Variants in CCDC17 observed in about 807,000 individuals in gnomAD.
The protein encoded by CCDC17 is coiled-coil domain containing 17.
In CCDC17, 79 loss-of-function variants were observed where a neutral mutation model predicts 68.0. The observed-to-expected ratio is 1.16, with a 90% CI of 0.97 to 1.40. CCDC17 has a LOEUF of 1.40. CCDC17 is among the 40% of genes most tolerant of loss of function. CCDC17 has a pLI of 0.00. For synonymous variants in CCDC17, 376 were observed against 337.5 expected, an observed-to-expected ratio of 1.11 and a Z score of -1.25; for missense variants, 846 against 811.5, an observed-to-expected ratio of 1.04 and a Z score of -0.52.
rs1427535855 is a variant in CCDC17 at position 45,622,829 on chromosome 1, G to A, written c.662C>T (p.Pro221Leu). The A allele has an allele frequency of 1.3e-6, 2 of 1,596,600 alleles. No homozygotes were observed. The highest frequency in any genetic ancestry group is 1.3e-5 in the African/African-American group (1 of 74,716). ...IQELQAEPGN[P>L]LSSRREAELY... ...TTCTGCCTCTCGCCGGGAGCTCAGC[G>A]GGTTCCTGGGGTGGCAGGCGACGCG... Residue 221 changes from proline (P) to leucine (L), a missense_variant, in exon 5 of 13, where the codon CCG becomes CTG. Coordinates refer to ENST00000528266, the MANE Select transcript of CCDC17 (RefSeq NM_001114938.3).
intron 7 of CCDC17, 87 bp downstream of exon 7, chr1:45,622,154 G>T: frequency 7.4e-7 from 1 of 1,354,386 alleles, no homozygotes; most frequent in Non-Finnish European, 1.0e-6. Context: ...CACAAACACG[G>T]GTCTTGTTCC....
Position 45,620,402 on chromosome 1 carries a change from A to G in CCDC17, c.1742T>C (p.Phe581Ser). The stretch of plus-strand genomic sequence containing the variant: ...AGCAAAGCCAACTGCGGGGGTGAGG[A>G]AGCTGGCTTCCAGTGAAGATGTGCT... ...VSSTSSLEAS[F>S]LTPAVGFADP... Residue 581 changes from phenylalanine to serine, a missense_variant, in exon 13 of 13, where the codon TTC becomes TCC. By Grantham distance (155) the Phe-to-Ser change is radical. Coordinates refer to ENST00000528266, the MANE Select transcript of CCDC17 (RefSeq NM_001114938.3). 1 of 1,594,334 alleles carries G rather than the reference A, an allele frequency of 6.3e-7. No individual in the cohort carries two copies. The highest frequency in any genetic ancestry group is 1.7e-4 in the Middle Eastern group (1 of 6,016).
At position 45,622,745 on chromosome 1, in the gene CCDC17, T is replaced by C; in HGVS notation, c.740+6A>G. Reference sequence around the variant, plus strand: ...CCCTATGCCCATCTCCGGCCCCGGCTCTCACCGGATTTCGGCAGCCAGAGT... The same window carrying C: ...CCCTATGCCCATCTCCGGCCCCGGCCCTCACCGGATTTCGGCAGCCAGAGT... On this transcript the variant is annotated splice_donor_region_variant and intron_variant, in intron 5 of 12. Coordinates refer to ENST00000528266, the MANE Select transcript of CCDC17 (RefSeq NM_001114938.3). 1 of 1,585,978 alleles carries C rather than the reference T, an allele frequency of 6.3e-7. No individual in the cohort carries two copies. Among genetic ancestry groups the C allele is most frequent in the East Asian group, 2.3e-5 (1 of 43,594 alleles).
chr1:45,620,640 G>A lies in CCDC17; in HGVS notation c.1710+83C>T, dbSNP rs1644217160. The A allele has an allele frequency of 1.9e-6, 3 of 1,542,838 alleles. No individual in the cohort carries two copies. In the African/African-American group the frequency reaches 4.1e-5, roughly 21 times the overall value. On this transcript the variant is annotated intron_variant, in intron 12 of 12. Coordinates refer to ENST00000528266, the MANE Select transcript of CCDC17 (RefSeq NM_001114938.3). ...GCATTGGTAATGACTGGCACACAGT[G>A]GTCAATAAAGGCTGGCCGTTAGCCA...
rs373781070 is a variant in CCDC17, at chr1:45,621,618, G to A, written c.1184+20C>T. Reference sequence around the variant, plus strand: ...TGCTGGCCAAGTCACAGAGGCTGTCGAAGGTGGCACGGGCCTCACCCAGGA... The same window carrying A: ...TGCTGGCCAAGTCACAGAGGCTGTCAAAGGTGGCACGGGCCTCACCCAGGA... On this transcript the variant is annotated intron_variant, in intron 9 of 12. Coordinates refer to ENST00000528266, the MANE Select transcript of CCDC17 (RefSeq NM_001114938.3). 94 of 1,611,222 alleles carry A rather than the reference G, an allele frequency of 5.8e-5. No homozygotes were observed. The highest frequency in any genetic ancestry group is 1.0e-4 in the Admixed American group (6 of 59,720).
intron 8 of CCDC17, 50 bp from the exon 9 acceptor site, chr1:45,621,785 T>G (rs1644267817): frequency 1.9e-6 from 3 of 1,606,180 alleles, no homozygotes; most frequent in Admixed American, 1.7e-5. Flanking sequence ...GCTGCTCATG[T>G]TCCCCCAACT....
chr1:45,620,072 C>G lies in CCDC17; in HGVS notation c.*203G>C, dbSNP rs1644192766. 1 of 518,258 alleles carries G rather than the reference C, an allele frequency of 1.9e-6. No individual in the cohort carries two copies. Among genetic ancestry groups the G allele is most frequent in the Admixed American group, 4.0e-5 (1 of 24,750 alleles). 32.1% of individuals were successfully genotyped at this position (518,258 alleles called of 1,614,324 possible). A position where few individuals can be genotyped will look rare whatever the true frequency, so the allele number is the denominator to read the frequency against. On this transcript the variant is annotated 3_prime_UTR_variant, in exon 13 of 13. Transcript: ENST00000528266. ...CTGACAAACTCATTTAATCCTTAAT[C>G]TGTTTTACAAAAACAGAAGAGGTAC...
At position 45,622,541 on chromosome 1, in the gene CCDC17, C is replaced by CT; in HGVS notation, c.859+7dup. ...TGACCACCGCTGGCGAGAGGCCCTC[C>CT]TGTTCACCTCTGCGGGTCTGCGACC... On this transcript the variant is annotated splice_region_variant and intron_variant, in intron 6 of 12. Coordinates refer to ENST00000528266, the MANE Select transcript of CCDC17 (RefSeq NM_001114938.3). The CT allele has an allele frequency of 6.4e-7, 1 of 1,551,208 alleles. No individual in the cohort carries two copies.
rs1644196530 is a variant in CCDC17 at position 45,620,196 on chromosome 1, G to A, written c.*79C>T. 2 of 1,457,240 alleles carry A rather than the reference G, an allele frequency of 1.4e-6. No homozygotes were observed. The highest frequency in any genetic ancestry group is 2.9e-5 in the African/African-American group (2 of 69,344). The allele number at this position is 1,457,240 out of a possible 1,614,324, so 90.3% of individuals were successfully genotyped here. The stretch of plus-strand genomic sequence containing the variant: ...GCTTCTAGACCCAATGTCAGAACAT[G>A]GAGTAGTAAACCTGTAGGTCTGGAA... On this transcript the variant is annotated 3_prime_UTR_variant, in exon 13 of 13. Transcript: ENST00000528266.
At position 45,623,569 on chromosome 1, in the gene CCDC17, C is replaced by T. The variant is rs531241471; in HGVS notation, c.258G>A (p.Arg86=). Residue 86 remains arginine (R), a synonymous_variant, in exon 2 of 13, where the codon AGG becomes AGA. Transcript: ENST00000528266. ...DQQASRSALK[R]LTEEVQWLRL... is the part of the protein sequence containing the mutation. ...TAGGTAGCTCTACCTCCTCTGTTAA[C>T]CTCTTTAGAGCAGATCTACTGGCCT... 20 of 1,549,664 alleles carry T rather than the reference C, an allele frequency of 1.3e-5. No homozygotes were observed. In the African/African-American group the frequency reaches 2.7e-4, roughly 21 times the overall value.
At position 45,623,272 on chromosome 1, in the gene CCDC17, C is replaced by G. The variant is rs531707286; in HGVS notation, c.438G>C (p.Ala146=). The G allele has an allele frequency of 3.2e-6, 5 of 1,546,906 alleles. No individual in the cohort carries two copies. In the African/African-American group the frequency reaches 4.1e-5, roughly 13 times the overall value. ...ERLRALFRTR[A]RRVAEMEAQS... is the part of the protein sequence containing the mutation. ...GCGCTTCCATCTCCGCCACGCGCCT[C>G]GCGCGAGTCCTGAACAGCGCCCGCA... Residue 146 remains alanine, a synonymous_variant, in exon 3 of 13, where the codon GCG becomes GCC. Transcript: ENST00000528266.
chr1:45,620,578 GT>G (rs1171621391), intron 12 of CCDC17, 144 bp downstream of exon 12: 26 of 1,488,868 alleles, frequency 1.7e-5, no homozygotes, highest in Non-Finnish European at 2.3e-5. Flanking sequence ...CTGTTACATA[GT>G]AGGACTTCAT....
chr1:45,620,686 G>A (rs762903062), intron 12 of CCDC17, 37 bp downstream of exon 12: 4 of 1,564,218 alleles, frequency 2.6e-6, no homozygotes, highest in East Asian at 2.4e-5. Flanking sequence ...ACCGGTATGT[G>A]TAGCTGTGGT....
At chr1:45,622,496 T>G in intron 6 of CCDC17, 53 bp downstream of exon 6, 1 of 1,522,652 alleles carries the variant, frequency 6.6e-7, no homozygotes, top group Middle Eastern at 1.7e-4. Flanking sequence ...CTCCCTCGAG[T>G]TCTTTTCTCC....
intron 10 of CCDC17, 41 bp from the exon 11 acceptor site, chr1:45,621,154 C>T: frequency 6.3e-7 from 1 of 1,596,682 alleles, no homozygotes. Context: ...GCCAGAGCTA[C>T]AGTCCCTTTC....
At chr1:45,621,607 C>G in intron 9 of CCDC17, 31 bp downstream of exon 9, 1 of 1,609,364 alleles carries the variant, frequency 6.2e-7, no homozygotes, top group Non-Finnish European at 8.5e-7. Flanking sequence ...GGCCAAGTCA[C>G]AGAGGCTGTC....
rs376307682 is a variant in CCDC17 at position 45,622,562 on chromosome 1, C to A, written c.846G>T (p.Ser282=). 1.3e-6 allele frequency: 2 copies of A among 1,551,760 alleles called. No individual in the cohort carries two copies. Residue 282 remains serine (S), a synonymous_variant, in exon 6 of 13, where the codon TCG becomes TCT. Transcript: ENST00000528266. ...CCTCCTGTTCACCTCTGCGGGTCTG[C>A]GACCGCTGCAGCTCCAGTGCAGACG... The part of the protein sequence containing the change: ...VEASALELQR[S]QTRRGRAGAT...
chr1:45,622,451 C>CTT (rs1644300844), intron 6 of CCDC17, 98 bp downstream of exon 6: 3 of 1,466,932 alleles, frequency 2.0e-6, no homozygotes, highest in South Asian at 2.6e-5. Flanking sequence ...TAAGGCTGGA[C>CTT]TTGTCAGCTC....
Position 45,620,817 on chromosome 1 carries a change from A to G in CCDC17, c.1616T>C (p.Leu539Pro). ...NGIPQAGQAE[L>P]FLRLVNARDA... ...TCTTGCATTCACCAGCCGCAGAAAGAGCTCAGCCTGACCTGCCTGGGGAGA... is the reference window on the plus strand; with the variant it reads ...TCTTGCATTCACCAGCCGCAGAAAGGGCTCAGCCTGACCTGCCTGGGGAGA... The change falls in exon 12 of 13, where the codon CTC (leucine) becomes CCC (proline). Residue 539 changes from leucine (L) to proline (P), a missense_variant. Coordinates refer to ENST00000528266, the MANE Select transcript of CCDC17 (RefSeq NM_001114938.3). 1.2e-6 allele frequency: 2 copies of G among 1,611,600 alleles called. No individual in the cohort carries two copies. Among genetic ancestry groups the G allele is most frequent in the Non-Finnish European group, 1.7e-6 (2 of 1,178,910 alleles).
Sources: allele counts gnomAD v4.1 joint callset, GRCh38; gene constraint gnomAD v4.1.1; transcripts MANE v1.5; gene names NCBI Gene and HGNC (gene_info 2026-07-23, HGNC 2026-07-21).